The following SGCZ variants were observed in gnomAD, a reference collection of about 807,000 sequenced individuals.
SGCZ encodes the protein sarcoglycan zeta.
Under a neutral mutation model 41.3 loss-of-function variants are expected in SGCZ, and 40 were observed. The ratio of observed to expected loss-of-function variants is 0.97; its 90% CI spans 0.75 to 1.26. The LOEUF (loss-of-function observed/expected upper bound fraction) is 1.26, where lower values mean the gene tolerates loss of function less well. Ranked by LOEUF, SGCZ falls within the 50% of genes most tolerant of loss-of-function variation. SGCZ has a pLI of 0.00. For synonymous variants in SGCZ, 206 were observed against 137.5 expected (o/e 1.50, Z -3.49); for missense variants, 552 against 369.8 (o/e 1.49, Z -4.04).
chr8:14,669,385 G>GTAAATAAA (rs1398901993), intron 1 of SGCZ, among the ~76,000 whole-genome samples: 1 of 55,124 alleles, frequency 1.8e-5, no homozygotes, highest in Non-Finnish European at 2.9e-5. Flanking sequence ...AAGTAAGTAA[G>GTAAATAAA]TAAATAAATA....
intron 2 of SGCZ, among the ~76,000 whole-genome samples, chr8:14,430,143 G>C (rs965248032): frequency 2.1e-5 from 3 of 143,568 alleles, no homozygotes; most frequent in African/African-American, 4.9e-5. Context: ...CAATTCCATT[G>C]ACACTATTCC....
chr8:14,588,200 G>A (rs201875775), intron 1 of SGCZ, among the ~76,000 whole-genome samples: 16 of 145,728 alleles, frequency 1.1e-4, no homozygotes, highest in Non-Finnish European at 9.1e-5. Flanking sequence ...TTACCCAGAA[G>A]AAAAAAAAAA....
intron 1 of SGCZ, among the ~76,000 whole-genome samples, chr8:14,762,593 C>A (rs1181068350): frequency 4.6e-5 from 7 of 152,150 alleles, no homozygotes; most frequent in Non-Finnish European, 8.8e-5. Flanking sequence ...AAATCAAATT[C>A]TATAACTAGC....
intron 1 of SGCZ, among the ~76,000 whole-genome samples, chr8:14,688,530 C>G (rs1217061812): frequency 6.6e-6 from 1 of 152,062 alleles, no homozygotes; most frequent in East Asian, 1.9e-4. Context: ...TTTCTGAGGG[C>G]TCTGTTCTGT....
At chr8:14,239,662 G>A (rs1430489048) in intron 3 of SGCZ, among the ~76,000 whole-genome samples, 1 of 151,796 alleles carries the variant, frequency 6.6e-6, no homozygotes, top group African/African-American at 2.4e-5. Flanking sequence ...CAGCACTTTG[G>A]GAGGCCGAGG....
At chr8:14,806,739 G>A (rs1268542423) in intron 1 of SGCZ, among the ~76,000 whole-genome samples, 9 of 152,298 alleles carry the variant, frequency 5.9e-5, no homozygotes, top group South Asian at 2.1e-4. Flanking sequence ...TAGGGAGTTA[G>A]CATCATTCTG....
intron 7 of SGCZ, among the ~76,000 whole-genome samples, chr8:14,092,453 G>A (rs916803806): frequency 1.2e-4 from 18 of 151,866 alleles, no homozygotes; most frequent in African/African-American, 3.1e-4. Context: ...AAAGTGTGTG[G>A]ACTTTTAATC....
intron 1 of SGCZ, among the ~76,000 whole-genome samples, chr8:15,024,341 C>A (rs1242389139): frequency 6.6e-6 from 1 of 152,086 alleles, no homozygotes. Flanking sequence ...TTTATAGAAG[C>A]ATAAATTTGA....
intron 1 of SGCZ, among the ~76,000 whole-genome samples, chr8:14,824,682 T>C (rs1034942875): frequency 1.3e-5 from 2 of 152,072 alleles, no homozygotes; most frequent in African/African-American, 4.8e-5. Context: ...AAAATCCTTG[T>C]TTGAGGAATG....
intron 4 of SGCZ, among the ~76,000 whole-genome samples, chr8:14,223,955 C>A (rs1806288852): frequency 6.6e-6 from 1 of 152,094 alleles, no homozygotes. Context: ...AACTCCAGTA[C>A]ATAGATATTA....
chr8:14,141,184 A>G (rs752291675), intron 5 of SGCZ, among the ~76,000 whole-genome samples: 3 of 152,234 alleles, frequency 2.0e-5, no homozygotes, highest in Non-Finnish European at 4.4e-5. Flanking sequence ...AGATGGATTA[A>G]AGATTCAAAT....
At chr8:14,437,228 A>G (rs1326107080) in intron 2 of SGCZ, among the ~76,000 whole-genome samples, 1 of 152,180 alleles carries the variant, frequency 6.6e-6, no homozygotes, top group Admixed American at 6.5e-5. Context: ...GAAAAGCAAG[A>G]CAGACCAACG....
At chr8:15,161,804 A>C (rs575015114) in intron 1 of SGCZ, among the ~76,000 whole-genome samples, 9 of 152,272 alleles carry the variant, frequency 5.9e-5, no homozygotes, top group Admixed American at 5.2e-4. Context: ...GAAGGCCAAG[A>C]TATGTAGATC....
At chr8:14,143,146 G>C (rs1803421588) in intron 5 of SGCZ, among the ~76,000 whole-genome samples, 1 of 151,976 alleles carries the variant, frequency 6.6e-6, no homozygotes, top group Admixed American at 6.6e-5. Flanking sequence ...CAGGAAACTA[G>C]AAATAAAGGA....
chr8:14,125,216 T>C (rs1377301732), intron 5 of SGCZ, among the ~76,000 whole-genome samples: 1 of 152,100 alleles, frequency 6.6e-6, no homozygotes, highest in Non-Finnish European at 1.5e-5. Flanking sequence ...GCGTGGTGGC[T>C]CACGCCTGCA....
chr8:15,046,748 T>C (rs1037538824), intron 1 of SGCZ, among the ~76,000 whole-genome samples: 1 of 152,016 alleles, frequency 6.6e-6, no homozygotes, highest in Non-Finnish European at 1.5e-5. Context: ...ATGATATAGA[T>C]GTGGATATAG....
intron 1 of SGCZ, among the ~76,000 whole-genome samples, chr8:14,571,149 G>A (rs1279756834): frequency 1.3e-5 from 2 of 152,120 alleles, no homozygotes; most frequent in Non-Finnish European, 2.9e-5. Context: ...GGAGAAGCAA[G>A]TACCTTGTCT....
chr8:14,220,413 G>A (rs947193985), intron 4 of SGCZ, among the ~76,000 whole-genome samples: 4 of 152,170 alleles, frequency 2.6e-5, no homozygotes, highest in African/African-American at 9.7e-5. Flanking sequence ...AGCTTTGAGA[G>A]TAGTAACTGA....
At chr8:14,228,424 C>G (rs906554867) in intron 4 of SGCZ, among the ~76,000 whole-genome samples, 166 of 152,100 alleles carry the variant, frequency 1.1e-3, no homozygotes, top group African/African-American at 3.9e-3. Context: ...TTAACTGGCT[C>G]TGTAATATAT....
Sources: allele counts gnomAD v4.1 joint callset (sites outside exome capture counted in the v4.1 genomes callset), GRCh38; gene constraint gnomAD v4.1.1; transcripts MANE v1.5; gene names NCBI Gene and HGNC (gene_info 2026-07-23, HGNC 2026-07-21).